The following STXBP5 variants were observed in gnomAD, a reference collection of about 807,000 sequenced individuals.
The protein encoded by STXBP5 is syntaxin binding protein 5.
STXBP5 carries 50 observed loss-of-function variants against 152.4 expected under a neutral mutation model. The observed-to-expected ratio is 0.33, with a 90% CI of 0.26 to 0.42. The LOEUF (loss-of-function observed/expected upper bound fraction) is 0.42. Among genes scored for constraint, STXBP5 ranks in the 10% least tolerant of loss-of-function variants. The pLI is 1.00. For synonymous variants in STXBP5, 492 were observed against 494.7 expected (o/e 0.99, Z 0.07); for missense variants, 1,167 against 1,388.6 (o/e 0.84, Z 2.54).
At position 147,359,159 on chromosome 6, in the gene STXBP5, T is replaced by C. The variant is rs755572870; in HGVS notation, c.2381T>C (p.Ile794Thr). 1.8e-5 allele frequency: 29 copies of C among 1,613,894 alleles called. No homozygotes were observed. The highest frequency in any genetic ancestry group is 2.2e-5 in the Non-Finnish European group (26 of 1,179,934). Reference sequence around the variant, plus strand: ...ATTGACAAAGAATCCCGAGAAGCGATCTCCGCTCTTCATTTCTGTGAAACG... The same window carrying C: ...ATTGACAAAGAATCCCGAGAAGCGACCTCCGCTCTTCATTTCTGTGAAACG... ...TSIDKESREAISALHFCETFT... is the reference protein window; with the variant it reads ...TSIDKESREATSALHFCETFT... Residue 794 changes from isoleucine to threonine, a missense_variant, in exon 23 of 28, where the codon ATC becomes ACC. Around this residue, in one of 3 missense-constraint regions of STXBP5, gnomAD observed 833 missense variants for 986.3 expected, o/e 0.84. Transcript: ENST00000321680.
chr6:147,245,011 T>TTTTTTTA (rs1491321309), intron 4 of STXBP5, among the ~76,000 whole-genome samples: 1 of 143,336 alleles, frequency 7.0e-6, no homozygotes, highest in African/African-American at 2.7e-5. Context: ...TTTTTTTTTT[T>TTTTTTTA]AGAGGGAATC....
chr6:147,217,123 A>G (rs1777209265), intron 2 of STXBP5, among the ~76,000 whole-genome samples: 1 of 152,218 alleles, frequency 6.6e-6, no homozygotes, highest in Non-Finnish European at 1.5e-5. Context: ...TCTCTGTCAA[A>G]GGTGACTATA....
intron 2 of STXBP5, among the ~76,000 whole-genome samples, chr6:147,227,221 C>A (rs1777763267): frequency 6.6e-6 from 1 of 152,076 alleles, no homozygotes; most frequent in Admixed American, 6.6e-5. Context: ...CCCACTAATT[C>A]TATGTCTGAT....
At chr6:147,306,301 A>G (rs1386944604) in intron 9 of STXBP5, among the ~76,000 whole-genome samples, 1 of 152,184 alleles carries the variant, frequency 6.6e-6, no homozygotes, top group Non-Finnish European at 1.5e-5. Flanking sequence ...ATAAACATTG[A>G]CAGTGAAATG....
intron 16 of STXBP5, among the ~76,000 whole-genome samples, chr6:147,323,809 C>T (rs1490543679): frequency 6.6e-6 from 1 of 152,216 alleles, no homozygotes; most frequent in Non-Finnish European, 1.5e-5. Context: ...AATACTCCCA[C>T]TTTCTAGGTG....
chr6:147,344,008 G>T (rs1784205950), intron 21 of STXBP5, among the ~76,000 whole-genome samples: 1 of 151,992 alleles, frequency 6.6e-6, no homozygotes, highest in South Asian at 2.1e-4. Context: ...ATTATTTCTT[G>T]CCCTTAATTG....
chr6:147,389,942 C>T lies in STXBP5; in HGVS notation c.*5187C>T, dbSNP rs573112908. ...TTGCTTTCTAGTTATACTATTGGTT[C>T]ATTGTAAATGCATTACCAAAAGACA... On this transcript the variant is annotated 3_prime_UTR_variant, in exon 28 of 28. Transcript: ENST00000321680. 1.3e-5 allele frequency: 2 copies of T among 151,610 alleles called. No individual in the cohort carries two copies. Among genetic ancestry groups the T allele is most frequent in the East Asian group, 3.9e-4 (2 of 5,150 alleles). 9.4% of individuals were successfully genotyped at this position (151,610 alleles called of 1,614,324 possible).
At chr6:147,371,770 A>T (rs974642542) in intron 25 of STXBP5, among the ~76,000 whole-genome samples, 1 of 152,174 alleles carries the variant, frequency 6.6e-6, no homozygotes, top group South Asian at 2.1e-4. Context: ...AGAAATGCAA[A>T]CTGTAATTCT....
chr6:147,335,860 A>C (rs1372892735), intron 19 of STXBP5, among the ~76,000 whole-genome samples: 1 of 152,230 alleles, frequency 6.6e-6, no homozygotes, highest in Non-Finnish European at 1.5e-5. Context: ...TTCTCAAAAC[A>C]GAGAAACTCA....
chr6:147,235,043 C>T (rs1039240576), intron 2 of STXBP5, among the ~76,000 whole-genome samples: 12 of 151,932 alleles, frequency 7.9e-5, no homozygotes, highest in Non-Finnish European at 1.8e-4. Flanking sequence ...TTCTAATTTG[C>T]TTGTTTTGTT....
intron 4 of STXBP5, among the ~76,000 whole-genome samples, chr6:147,252,650 C>T (rs1280082066): frequency 6.6e-6 from 1 of 152,162 alleles, no homozygotes; most frequent in Non-Finnish European, 1.5e-5. Flanking sequence ...GAAAAACACT[C>T]TTCAGGATAT....
Position 147,260,612 on chromosome 6 carries a change from C to T in STXBP5, c.432-3C>T, listed in dbSNP as rs772349776. The T allele has an allele frequency of 2.5e-5, 40 of 1,613,390 alleles. No homozygotes were observed. The East Asian group carries it at 6.0e-4, about 24-fold the overall frequency. On this transcript the variant is annotated splice_region_variant and splice_polypyrimidine_tract_variant and intron_variant, in intron 4 of 27. Coordinates refer to ENST00000321680, the MANE Select transcript of STXBP5 (RefSeq NM_001127715.4). The stretch of plus-strand genomic sequence containing the variant: ...CTTTTTTGAGTATATTTTTCTCTTG[C>T]AGGGTTACATTTTGCCATCTGCCTT...
intron 23 of STXBP5, among the ~76,000 whole-genome samples, chr6:147,362,363 T>G (rs973200691): frequency 6.6e-6 from 1 of 152,204 alleles, no homozygotes; most frequent in East Asian, 1.9e-4. Context: ...AACTGAATGC[T>G]AACTCAGCTA....
intron 26 of STXBP5, among the ~76,000 whole-genome samples, chr6:147,376,284 G>A (rs536833559): frequency 6.6e-6 from 1 of 152,066 alleles, no homozygotes; most frequent in Non-Finnish European, 1.5e-5. Context: ...CATTGATAAG[G>A]ACACATGTAA....
chr6:147,310,416 G>C (rs892464912), intron 10 of STXBP5, among the ~76,000 whole-genome samples, 178 bp downstream of exon 10: 1 of 151,994 alleles, frequency 6.6e-6, no homozygotes, highest in African/African-American at 2.4e-5. Flanking sequence ...AATTTAATCT[G>C]TTTTGAAGAA....
chr6:147,252,522 G>T (rs1450424102), intron 4 of STXBP5, among the ~76,000 whole-genome samples: 1 of 151,944 alleles, frequency 6.6e-6, no homozygotes, highest in Non-Finnish European at 1.5e-5. Flanking sequence ...GACAAGATTA[G>T]AGAAAAAAGA....
rs751553857 is a variant in STXBP5 at position 147,267,119 on chromosome 6, A to G, written c.666A>G (p.Leu222=). The G allele has an allele frequency of 1.9e-6, 3 of 1,610,830 alleles. No individual in the cohort carries two copies. In the Admixed American group the frequency reaches 5.1e-5, roughly 27 times the overall value. Reference sequence around the variant, plus strand: ...GCTTTGAATCTGGAACAGTAGTTTTATGGGACCTCAAATCAAAGAAAGCCG... The same window carrying G: ...GCTTTGAATCTGGAACAGTAGTTTTGTGGGACCTCAAATCAAAGAAAGCCG... ...LIGFESGTVV[L]WDLKSKKADY... Residue 222 remains leucine, a synonymous_variant, in exon 7 of 28, where the codon TTA becomes TTG. Transcript: ENST00000321680.
intron 19 of STXBP5, among the ~76,000 whole-genome samples, chr6:147,337,794 C>A (rs867575027): frequency 2.6e-5 from 4 of 151,806 alleles, no homozygotes. Flanking sequence ...CTCAGTGTTA[C>A]GTGTGTGATA....
intron 2 of STXBP5, among the ~76,000 whole-genome samples, chr6:147,222,407 G>C (rs1777505151): frequency 6.6e-6 from 1 of 152,120 alleles, no homozygotes; most frequent in Admixed American, 6.5e-5. Context: ...CTATAGTCCT[G>C]TCATTAGGTG....
Sources: allele counts gnomAD v4.1 joint callset (sites outside exome capture counted in the v4.1 genomes callset), GRCh38; gene constraint gnomAD v4.1.1; regional missense constraint gnomAD v4.1.1; transcripts MANE v1.5; gene names NCBI Gene and HGNC (gene_info 2026-07-23, HGNC 2026-07-21).